BCAS1: variants seen among roughly 807,000 people sequenced by gnomAD.
BCAS1 encodes the protein brain enriched myelin associated protein 1.
BCAS1 carries 46 observed loss-of-function variants against 65.4 expected under a neutral mutation model. The ratio of observed to expected loss-of-function variants is 0.70; its 90% CI spans 0.55 to 0.90. BCAS1 has a LOEUF of 0.90. BCAS1 is among the 40% of genes least tolerant of loss of function. The probability of loss-of-function intolerance (pLI) is 0.00; values close to 1 mark genes in which losing one functional copy is unlikely to be tolerated. For missense variants in BCAS1, 793 were observed against 771.2 expected, an observed-to-expected ratio of 1.03 and a Z score of -0.33; for synonymous variants, 298 against 293.5, an observed-to-expected ratio of 1.02 and a Z score of -0.16.
intron 4 of BCAS1, among the ~76,000 whole-genome samples, chr20:53,999,804 C>T (rs1377469711): frequency 2.0e-5 from 3 of 152,114 alleles, no homozygotes; most frequent in Non-Finnish European, 4.4e-5. Context: ...GATCTTGACT[C>T]ACTGCAACCT....
chr20:53,975,283 A>G, intron 9 of BCAS1, 106 bp downstream of exon 9: 1 of 936,692 alleles, frequency 1.1e-6, no homozygotes. Context: ...AACGAATCAC[A>G]CTGGCAGCAT....
At chr20:54,006,178 C>A (rs2091183576) in intron 4 of BCAS1, among the ~76,000 whole-genome samples, 1 of 152,144 alleles carries the variant, frequency 6.6e-6, no homozygotes, top group Non-Finnish European at 1.5e-5. Flanking sequence ...CATGTGGATG[C>A]CCACAACGGA....
rs903955971 is a variant in BCAS1, at chr20:53,944,362, G to A, written c.*560C>T. 6.6e-6 allele frequency: 1 copy of A among 152,306 alleles called. No homozygotes were observed. Among genetic ancestry groups the A allele is most frequent in the Non-Finnish European group, 1.5e-5 (1 of 68,462 alleles). The allele number at this position is 152,306 out of a possible 1,614,324, so 9.4% of individuals were successfully genotyped here. A position where few individuals can be genotyped will look rare whatever the true frequency, so the allele number is the denominator to read the frequency against. On this transcript the variant is annotated 3_prime_UTR_variant, in exon 13 of 13. Coordinates refer to ENST00000688948, the MANE Select transcript of BCAS1 (RefSeq NM_001366298.2). ...CTTGCTCTGTCGCCCAGGGTGGAGT[G>A]CAATGGTGCAACTTCGGCTCACTGC...
At chr20:54,058,237 G>A in intron 2 of BCAS1, 83 bp from the exon 3 acceptor site, 1 of 1,223,746 alleles carries the variant, frequency 8.2e-7, no homozygotes, top group Non-Finnish European at 1.2e-6. Flanking sequence ...AAGATACAAG[G>A]GTGTCTCACA....
At chr20:54,052,261 T>A (rs1032898610) in intron 3 of BCAS1, among the ~76,000 whole-genome samples, 5 of 152,198 alleles carry the variant, frequency 3.3e-5, no homozygotes, top group African/African-American at 1.2e-4. Flanking sequence ...GCAGTGAGTG[T>A]CTCAACCAGC....
intron 4 of BCAS1, among the ~76,000 whole-genome samples, chr20:54,012,010 A>C (rs1188175385): frequency 2.0e-5 from 3 of 152,254 alleles, no homozygotes; most frequent in Non-Finnish European, 4.4e-5. Flanking sequence ...AAGTTGGAAC[A>C]ACCAAACATC....
chr20:54,057,680 A>T (rs1046154748), intron 3 of BCAS1, among the ~76,000 whole-genome samples: 20 of 152,230 alleles, frequency 1.3e-4, no homozygotes, highest in African/African-American at 4.3e-4. Flanking sequence ...TCAAGTTAAG[A>T]TGAGGTTATT....
intron 3 of BCAS1, among the ~76,000 whole-genome samples, chr20:54,034,988 A>G (rs1308278023): frequency 6.6e-6 from 1 of 151,380 alleles, no homozygotes; most frequent in Non-Finnish European, 1.5e-5. Flanking sequence ...CCACACACCT[A>G]CAACTATCTA....
chr20:54,001,710 C>T (rs879908350), intron 4 of BCAS1, among the ~76,000 whole-genome samples: 6 of 152,138 alleles, frequency 3.9e-5, no homozygotes, highest in Non-Finnish European at 8.8e-5. Context: ...ACTCTAGCCT[C>T]TGAATTTTGG....
intron 8 of BCAS1, among the ~76,000 whole-genome samples, chr20:53,977,893 TTTA>T (rs1039728258): frequency 1.9e-4 from 29 of 152,064 alleles, no homozygotes; most frequent in Non-Finnish European, 3.4e-4. Flanking sequence ...AATTTATTTA[TTTA>T]TTATTATTAT....
At chr20:53,963,102 G>A (rs1359079362) in intron 10 of BCAS1, among the ~76,000 whole-genome samples, 1 of 151,282 alleles carries the variant, frequency 6.6e-6, no homozygotes, top group African/African-American at 2.4e-5. Flanking sequence ...CACCCGCCTC[G>A]GCCTCCCAAA....
intron 1 of BCAS1, among the ~76,000 whole-genome samples, chr20:54,061,017 A>T (rs2092370537): frequency 6.6e-6 from 1 of 152,244 alleles, no homozygotes; most frequent in South Asian, 2.1e-4. Flanking sequence ...AATAATAATG[A>T]TGATAATAGC....
chr20:54,029,215 G>C (rs2091748894), intron 3 of BCAS1: 1 of 985,280 alleles, frequency 1.0e-6, no homozygotes, highest in African/African-American at 1.7e-5. Context: ...CTAGCTGCCA[G>C]GTGTGGAATG....
At chr20:54,050,414 C>T (rs971514996) in intron 3 of BCAS1, among the ~76,000 whole-genome samples, 1 of 152,130 alleles carries the variant, frequency 6.6e-6, no homozygotes, top group African/African-American at 2.4e-5. Context: ...TCTGTGGTCT[C>T]ATACATGAAG....
chr20:53,962,832 T>A (rs921478163), intron 10 of BCAS1, among the ~76,000 whole-genome samples: 3 of 152,162 alleles, frequency 2.0e-5, no homozygotes, highest in Admixed American at 2.0e-4. Flanking sequence ...ATAGTTATTT[T>A]AAAAATGATA....
intron 8 of BCAS1, among the ~76,000 whole-genome samples, chr20:53,982,290 C>A (rs1785802168): frequency 6.6e-6 from 1 of 152,150 alleles, no homozygotes; most frequent in Non-Finnish European, 1.5e-5. Flanking sequence ...AAGTGAGAAT[C>A]CAATTTACTC....
chr20:53,967,853 G>A (rs1296244512), intron 9 of BCAS1, among the ~76,000 whole-genome samples: 1 of 152,144 alleles, frequency 6.6e-6, no homozygotes, highest in Non-Finnish European at 1.5e-5. Context: ...GTCACATCTG[G>A]GACAGTTTCT....
Position 53,966,946 on chromosome 20 carries a change from C to A in BCAS1, c.1445G>T (p.Ser482Ile), listed in dbSNP as rs1317455076. ...CGCCATCAGAGAGGTTCTTGGTTTG[C>A]TTTCTTCTCTTTTGAGTTTCGCTTC... is the stretch of plus-strand genomic sequence containing the variant. ...PTEAKLKREESKPRTSLMAFL... is the reference protein window; with the variant it reads ...PTEAKLKREEIKPRTSLMAFL... Residue 482 changes from serine (S) to isoleucine (I), a missense_variant, in exon 10 of 13, where the codon AGC becomes ATC. By Grantham distance (142) the Ser-to-Ile change is moderately radical. Transcript: ENST00000688948. 1.9e-6 allele frequency: 3 copies of A among 1,612,784 alleles called. No homozygotes were observed. The African/African-American group carries it at 4.0e-5, about 22-fold the overall frequency.
At chr20:53,962,005 G>A (rs1003207100) in intron 10 of BCAS1, among the ~76,000 whole-genome samples, 4 of 152,200 alleles carry the variant, frequency 2.6e-5, no homozygotes, top group African/African-American at 9.7e-5. Flanking sequence ...GCCGATAACT[G>A]AAAAGTGCTG....
Sources: allele counts gnomAD v4.1 joint callset (sites outside exome capture counted in the v4.1 genomes callset), GRCh38; gene constraint gnomAD v4.1.1; transcripts MANE v1.5; gene names NCBI Gene and HGNC (gene_info 2026-07-23, HGNC 2026-07-21).